Variants in VPS13A observed in about 807,000 individuals in gnomAD.
The protein encoded by VPS13A is intermembrane lipid transfer protein VPS13A.
Under a neutral mutation model 390.9 loss-of-function variants are expected in VPS13A, and 264 were observed. The ratio of observed to expected loss-of-function variants is 0.68; its 90% confidence interval spans 0.61 to 0.75. The LOEUF is 0.75. Ranked by LOEUF, VPS13A falls within the 30% of genes least tolerant of loss-of-function variation. VPS13A has a pLI of 0.00. For missense variants in VPS13A, 3,409 were observed against 3,733.9 expected (o/e 0.91, Z 2.27); for synonymous variants, 1,231 against 1,227.1 (o/e 1.00, Z -0.07).
chr9:77,357,316 CAAAAAA>C (rs1156801817), intron 55 of VPS13A, among the ~76,000 whole-genome samples: 7 of 44,608 alleles, frequency 1.6e-4, no homozygotes, highest in East Asian at 9.1e-4. Flanking sequence ...GACTCTGTCT[CAAAAAA>C]AAAAAAAAAA....
At chr9:77,344,049 GT>G (rs901695681) in intron 50 of VPS13A, 103 bp from the exon 51 acceptor site, 2 of 1,138,392 alleles carry the variant, frequency 1.8e-6, no homozygotes, top group South Asian at 1.5e-5. Flanking sequence ...GTTAAAACAG[GT>G]TTTTTTATAG....
At chr9:77,365,629 T>C (rs1266401594) in intron 60 of VPS13A, 56 bp downstream of exon 60, 3 of 1,071,862 alleles carry the variant, frequency 2.8e-6, no homozygotes, top group Admixed American at 1.7e-5. Context: ...CAAATTGATG[T>C]AGCATTTATA....
rs994052185 is a variant in VPS13A, at chr9:77,372,569, T to G, written c.9077+1420T>G. Reference sequence around the variant, plus strand: ...AACTGGAAGCATTCCCTTTGAAAACTGGCACAAGACAGGGATGCCCTCTCT... The same window carrying G: ...AACTGGAAGCATTCCCTTTGAAAACGGGCACAAGACAGGGATGCCCTCTCT... On this transcript the variant is annotated intron_variant, in intron 67 of 71. Coordinates refer to ENST00000360280, the MANE Select transcript of VPS13A (RefSeq NM_033305.3). Among the ~76,000 whole-genome samples, 11 of 152,176 alleles carry G rather than the reference T, an allele frequency of 7.2e-5. No homozygotes were observed. The South Asian group carries it at 1.0e-3, about 14-fold the overall frequency.
chr9:77,276,148 T>G lies in VPS13A; in HGVS notation c.2751T>G (p.Ile917Met). 6.2e-7 allele frequency: 1 copy of G among 1,613,164 alleles called. No homozygotes were observed. The highest frequency in any genetic ancestry group is 8.5e-7 in the Non-Finnish European group (1 of 1,179,510). ...TTGTTTTAGGATTGGGTGCAGAAAT[T>G]GAGATTAGAACATACGATTTGAAAG... ...EILVLGLGAE[I>M]EIRTYDLKAN... The change falls in exon 26 of 72, where the codon ATT (isoleucine) becomes ATG (methionine). Residue 917 changes from isoleucine (I) to methionine (M), a missense_variant. By Grantham distance (10) the Ile-to-Met change is conservative. Around this residue, in one of 5 missense-constraint regions of VPS13A, gnomAD observed 2,717 missense variants for 2,917.4 expected, o/e 0.93. Coordinates refer to ENST00000360280, the MANE Select transcript of VPS13A (RefSeq NM_033305.3).
chr9:77,353,510 A>G lies in VPS13A; in HGVS notation c.7521A>G (p.Val2507=), dbSNP rs1831591864. 1 of 1,613,220 alleles carries G rather than the reference A, an allele frequency of 6.2e-7. No individual in the cohort carries two copies. Among genetic ancestry groups the G allele is most frequent in the Admixed American group, 1.7e-5 (1 of 59,952 alleles). ...TTTTATTCACTGAAGATCCAAGGGT[A>G]TTTAAAGTAACATATGAAAGTGAGA... ...RIILFTEDPR[V]FKVTYESEKA... Residue 2507 remains valine, a synonymous_variant, in exon 54 of 72, where the codon GTA becomes GTG. Transcript: ENST00000360280.
At chr9:77,299,173 A>G (rs1828190442) in intron 33 of VPS13A, among the ~76,000 whole-genome samples, 1 of 152,134 alleles carries the variant, frequency 6.6e-6, no homozygotes, top group African/African-American at 2.4e-5. Context: ...CTTGTAGTAT[A>G]GTTTGAAGTC....
At chr9:77,299,334 A>G (rs1168900592) in intron 33 of VPS13A, among the ~76,000 whole-genome samples, 2 of 152,178 alleles carry the variant, frequency 1.3e-5, no homozygotes, top group Non-Finnish European at 2.9e-5. Context: ...CATTGAATCT[A>G]TAAATTACTT....
chr9:77,180,256 A>G (rs1336128115), intron 1 of VPS13A, among the ~76,000 whole-genome samples: 1 of 152,240 alleles, frequency 6.6e-6, no homozygotes, highest in African/African-American at 2.4e-5. Context: ...GCTGGGTCAT[A>G]TGCTGACTTT....
chr9:77,325,923 A>G (rs754530312), intron 45 of VPS13A, among the ~76,000 whole-genome samples: 2 of 152,152 alleles, frequency 1.3e-5, no homozygotes, highest in Non-Finnish European at 2.9e-5. Flanking sequence ...TTTGATATTT[A>G]TTATCACTTT....
In VPS13A at chr9:77,376,882, T is replaced by A. The variant is rs138150797; in HGVS notation, c.9078-5094T>A. Among the ~76,000 whole-genome samples, 875 of 152,184 alleles carry A rather than the reference T, an allele frequency of 5.7e-3. 11 individuals carry two copies. Among genetic ancestry groups the A allele is most frequent in the African/African-American group, 0.02 (844 of 41,502 alleles). On this transcript the variant is annotated intron_variant, in intron 67 of 71. Coordinates refer to ENST00000360280, the MANE Select transcript of VPS13A (RefSeq NM_033305.3). Reference sequence around the variant, plus strand: ...GGACTTGGCTTTCAGGCACACCAACTCTTAGAAGTTGGGGAAATGAGGAAG... The same window carrying A: ...GGACTTGGCTTTCAGGCACACCAACACTTAGAAGTTGGGGAAATGAGGAAG...
intron 67 of VPS13A, among the ~76,000 whole-genome samples, chr9:77,378,371 CAGT>C (rs1833229233): frequency 1.3e-5 from 2 of 152,058 alleles, no homozygotes; most frequent in Admixed American, 6.6e-5. Flanking sequence ...GAGTCATTGT[CAGT>C]AGTTTTTATA....
intron 19 of VPS13A, among the ~76,000 whole-genome samples, chr9:77,239,205 C>T (rs1289106799): frequency 1.3e-5 from 2 of 151,736 alleles, no homozygotes; most frequent in Non-Finnish European, 2.9e-5. Flanking sequence ...TGGCTGGGCG[C>T]GGTGGCTCAC....
At chr9:77,294,603 GT>G (rs1411689696) in intron 32 of VPS13A, among the ~76,000 whole-genome samples, 3 of 152,104 alleles carry the variant, frequency 2.0e-5, no homozygotes, top group African/African-American at 7.2e-5. Flanking sequence ...AAAATTCTAA[GT>G]TAATTCCATA....
At chr9:77,216,671 G>A (rs1373040965) in intron 10 of VPS13A, among the ~76,000 whole-genome samples, 1 of 152,024 alleles carries the variant, frequency 6.6e-6, no homozygotes, top group Admixed American at 6.6e-5. Context: ...TTCTCTAGAG[G>A]GACAGAACTA....
Position 77,405,840 on chromosome 9 carries a change from CTTTT to C in VPS13A, c.9276-20_9276-17del, listed in dbSNP as rs748402380. On this transcript the variant is annotated intron_variant, in intron 69 of 71. Transcript: ENST00000360280. The stretch of plus-strand genomic sequence containing the variant: ...AAGTGCCTCAATTTTAAAGCGAATT[CTTTT>C]TTTGTTTTTCTTTTTGCAGTGGTGT... The C allele has an allele frequency of 2.5e-6, 4 of 1,611,618 alleles. No individual in the cohort carries two copies. Among genetic ancestry groups the C allele is most frequent in the East Asian group, 2.2e-5 (1 of 44,806 alleles).
intron 54 of VPS13A, 100 bp downstream of exon 54, chr9:77,353,741 C>A: frequency 8.3e-7 from 1 of 1,201,088 alleles, no homozygotes; most frequent in Non-Finnish European, 1.2e-6. Flanking sequence ...CAGTTTTGTG[C>A]TTTGACTATT....
At chr9:77,224,528 G>C (rs949109593) in intron 13 of VPS13A, among the ~76,000 whole-genome samples, 2 of 152,148 alleles carry the variant, frequency 1.3e-5, no homozygotes, top group Admixed American at 6.6e-5. Flanking sequence ...GATTTCAGTG[G>C]AGAAAGTCAC....
intron 26 of VPS13A, among the ~76,000 whole-genome samples, chr9:77,278,933 T>C (rs916073361): frequency 1.3e-5 from 2 of 152,194 alleles, no homozygotes; most frequent in Non-Finnish European, 2.9e-5. Context: ...AGAGGGAGCA[T>C]GCAGATGGGC....
At chr9:77,242,967 A>C (rs964984642) in intron 19 of VPS13A, among the ~76,000 whole-genome samples, 2 of 152,018 alleles carry the variant, frequency 1.3e-5, no homozygotes, top group African/African-American at 2.4e-5. Context: ...TATGAAAAAA[A>C]ATGGAAAGCT....
Sources: gnomAD v4.1 joint callset for allele counts (sites outside exome capture counted in the v4.1 genomes callset) on GRCh38, gnomAD v4.1.1 for gene constraint, gnomAD v4.1.1 regional missense constraint, MANE v1.5 for transcripts, NCBI Gene and HGNC (gene_info 2026-07-23, HGNC 2026-07-21) for gene names.